The following SEC16B variants were observed in gnomAD, a reference collection of about 807,000 sequenced individuals.
The protein encoded by SEC16B is SEC16 homolog B, endoplasmic reticulum export factor, also known as protein transport protein Sec16B.
Under a neutral mutation model 141.8 loss-of-function variants are expected in SEC16B, and 115 were observed. The observed-to-expected ratio is 0.81, with a 90% CI of 0.70 to 0.95. The LOEUF is 0.95. Ranked by LOEUF, SEC16B falls within the 40% of genes least tolerant of loss-of-function variation. The pLI is 0.00. For synonymous variants in SEC16B, 493 were observed against 492.5 expected, an observed-to-expected ratio of 1.00 and a Z score of -0.01; for missense variants, 1,291 against 1,312.3, an observed-to-expected ratio of 0.98 and a Z score of 0.25.
chr1:177,937,626 G>T, intron 18 of SEC16B, 113 bp from the exon 19 acceptor site: 1 of 924,636 alleles, frequency 1.1e-6, no homozygotes, highest in Non-Finnish European at 1.6e-6. Flanking sequence ...TCACAAGGAC[G>T]AGCTGTCTAA....
At chr1:177,974,765 C>A (rs151186097), upstream of SEC16B, among the ~76,000 whole-genome samples, 438 of 152,240 alleles carry the variant, frequency 2.9e-3, 5 homozygotes, top group African/African-American at 9.8e-3. Flanking sequence ...TACCATGAGG[C>A]ACTTGGATTT....
chr1:177,935,193 C>T lies in SEC16B; in HGVS notation c.2571+1105G>A, dbSNP rs547259558. Among the ~76,000 whole-genome samples, 6 of 152,172 alleles carry T rather than the reference C, an allele frequency of 3.9e-5. No homozygotes were observed. In the South Asian group the frequency reaches 1.2e-3, roughly 32 times the overall value. Reference sequence around the variant, plus strand: ...CACCCCTCTGAAGTGAGATGCCTGGCGCGTATAGTTGTCTATTTTTAGTCA... The same window carrying T: ...CACCCCTCTGAAGTGAGATGCCTGGTGCGTATAGTTGTCTATTTTTAGTCA... On this transcript the variant is annotated intron_variant, in intron 20 of 25. Coordinates refer to ENST00000308284, the MANE Select transcript of SEC16B (RefSeq NM_033127.4).
chr1:177,932,420 A>C, intron 24 of SEC16B, 70 bp downstream of exon 24: 1 of 1,209,686 alleles, frequency 8.3e-7, no homozygotes, highest in Middle Eastern at 2.2e-4. Context: ...CACTGCCCAC[A>C]CTGAAGGTTC....
intron 1 of SEC16B, among the ~76,000 whole-genome samples, chr1:177,979,455 T>G (rs1395229660): frequency 1.3e-5 from 2 of 152,214 alleles, no homozygotes; most frequent in Non-Finnish European, 2.9e-5. Context: ...CTCACATCCC[T>G]TGCTCTATCA....
At position 177,967,921 on chromosome 1, in the gene SEC16B, T is replaced by A. The variant is rs558715405; in HGVS notation, c.61A>T (p.Lys21Ter). Residue 21 changes from lysine to a stop codon, truncating the protein, a stop_gained, in exon 2 of 26, where the codon AAG becomes TAG. Coordinates refer to ENST00000308284, the MANE Select transcript of SEC16B (RefSeq NM_033127.4). LOFTEE classifies it high-confidence loss of function. Reference sequence around the variant, plus strand: ...CTCCGAAACCCTCGGTCTGGATCCTTTGAGGGTGCTGTGGCCTTCCCTCGT... The same window carrying A: ...CTCCGAAACCCTCGGTCTGGATCCTATGAGGGTGCTGTGGCCTTCCCTCGT... ...QTRGKATAPS[K>*]DPDRGFRRDG... 2.5e-6 allele frequency: 4 copies of A among 1,613,946 alleles called. No homozygotes were observed. Among genetic ancestry groups the A allele is most frequent in the Middle Eastern group, 1.6e-4 (1 of 6,062 alleles).
chr1:177,955,112 A>AT (rs1652496377), intron 10 of SEC16B, among the ~76,000 whole-genome samples: 1 of 151,484 alleles, frequency 6.6e-6, no homozygotes, highest in South Asian at 2.1e-4. Flanking sequence ...AATGCAGAAA[A>AT]TCAATGACAA....
At chr1:177,974,878 T>C (rs1322700600), upstream of SEC16B, among the ~76,000 whole-genome samples, 1 of 152,102 alleles carries the variant, frequency 6.6e-6, no homozygotes, top group African/African-American at 2.4e-5. Context: ...TCAGAGAAAA[T>C]GCATCACATG....
intron 1 of SEC16B, among the ~76,000 whole-genome samples, chr1:177,978,113 G>A (rs1654249397): frequency 6.6e-6 from 1 of 152,184 alleles, no homozygotes; most frequent in Admixed American, 6.5e-5. Flanking sequence ...CTCAGGCTTT[G>A]CAGTCAGAAT....
At position 177,939,717 on chromosome 1, in the gene SEC16B, C is replaced by A; in HGVS notation, c.2188G>T (p.Gly730Ter). ...HPTRSDISGA[G>*]GTTTENTFYQ... is the part of the protein sequence containing the mutation. The stretch of plus-strand genomic sequence containing the variant: ...TTTTGGGTACCTGTTGTTGTTCCTC[C>A]GGCTCCCGAAATATCTGAGCGAGTA... The change falls in exon 18 of 26, where the codon GGA (glycine) becomes TGA (stop). Residue 730 changes from glycine to a stop codon, truncating the protein, a stop_gained. Transcript: ENST00000308284. LOFTEE classifies it high-confidence loss of function. The A allele has an allele frequency of 6.3e-7, 1 of 1,594,752 alleles. No individual in the cohort carries two copies. The highest frequency in any genetic ancestry group is 2.3e-5 in the East Asian group (1 of 44,318).
chr1:177,962,922 C>T (rs1206295658), intron 5 of SEC16B, among the ~76,000 whole-genome samples: 1 of 151,562 alleles, frequency 6.6e-6, no homozygotes, highest in African/African-American at 2.4e-5. Flanking sequence ...GCCTGGCCAA[C>T]ATGGTGAAAC....
chr1:177,939,520 T>C (rs1279059990), intron 18 of SEC16B, among the ~76,000 whole-genome samples, 182 bp downstream of exon 18: 8 of 152,104 alleles, frequency 5.3e-5, no homozygotes. Flanking sequence ...TTAGAAGTGT[T>C]AGGGATGTGT....
Position 177,944,614 on chromosome 1 carries a change from A to G in SEC16B, c.1828T>C (p.Phe610Leu). 6.2e-7 allele frequency: 1 copy of G among 1,613,934 alleles called. No individual in the cohort carries two copies. Among genetic ancestry groups the G allele is most frequent in the Non-Finnish European group, 8.5e-7 (1 of 1,179,852 alleles). Residue 610 changes from phenylalanine (F) to leucine (L), a missense_variant, in exon 15 of 26, where the codon TTC becomes CTC. Around this residue, in one of 3 missense-constraint regions of SEC16B, gnomAD observed 605 missense variants for 614.1 expected, o/e 0.99. Coordinates refer to ENST00000308284, the MANE Select transcript of SEC16B (RefSeq NM_033127.4). Reference protein sequence around the residue: ...TTEAIQRTEIFEYCQMLGRPK... With the variant: ...TTEAIQRTEILEYCQMLGRPK... ...CGGCCCAGCATCTGACAGTACTCGA[A>G]GATTTCCGTCCTCTGGATTGCCTCA...
chr1:177,932,408 A>G, intron 24 of SEC16B, 82 bp downstream of exon 24: 1 of 1,068,542 alleles, frequency 9.4e-7, no homozygotes. Context: ...GCCAGGAGTC[A>G]GCACTGCCCA....
intron 10 of SEC16B, among the ~76,000 whole-genome samples, chr1:177,955,108 G>GA (rs1273127120): frequency 6.6e-6 from 1 of 151,718 alleles, no homozygotes; most frequent in Non-Finnish European, 1.5e-5. Context: ...GAAAAATGCA[G>GA]AAAATCAATG....
intron 20 of SEC16B, among the ~76,000 whole-genome samples, chr1:177,934,577 C>A (rs532406279): frequency 1.3e-5 from 2 of 152,300 alleles, no homozygotes; most frequent in African/African-American, 4.8e-5. Flanking sequence ...TTAATCCTTA[C>A]AATAGTCCTG....
intron 10 of SEC16B, among the ~76,000 whole-genome samples, chr1:177,956,874 G>A (rs1652642642): frequency 1.3e-5 from 2 of 152,214 alleles, no homozygotes; most frequent in African/African-American, 4.8e-5. Flanking sequence ...ATGATTTTGT[G>A]GGTTATGGTA....
intron 20 of SEC16B, among the ~76,000 whole-genome samples, chr1:177,935,771 C>A (rs958935451): frequency 1.3e-5 from 2 of 152,020 alleles, no homozygotes; most frequent in Non-Finnish European, 2.9e-5. Context: ...AGCTGAAGAA[C>A]GCCTCAGGTT....
Position 177,930,605 on chromosome 1 carries a change from A to G in SEC16B, c.3051T>C (p.Leu1017=), listed in dbSNP as rs1256077059. The change falls in exon 25 of 26, where the codon CTT becomes CTC. Residue 1017 remains leucine (L), a synonymous_variant. Coordinates refer to ENST00000308284, the MANE Select transcript of SEC16B (RefSeq NM_033127.4). ...CCCCTTTTAAGGCAGGTGGAGGAAGAAGAACACCAGGGTTGGAGCAGAGCT... is the reference window on the plus strand; with the variant it reads ...CCCCTTTTAAGGCAGGTGGAGGAAGGAGAACACCAGGGTTGGAGCAGAGCT... The part of the protein sequence containing the change: ...SFELCSNPGV[L]LPPPALKGAV... 1 of 1,613,762 alleles carries G rather than the reference A, an allele frequency of 6.2e-7. No homozygotes were observed. Among genetic ancestry groups the G allele is most frequent in the Non-Finnish European group, 8.5e-7 (1 of 1,179,864 alleles).
intron 11 of SEC16B, 120 bp from the exon 12 acceptor site, chr1:177,952,115 G>T: frequency 1.3e-6 from 1 of 793,554 alleles, no homozygotes; most frequent in Non-Finnish European, 2.1e-6. Context: ...AGGAACATGA[G>T]CATCGCTTTG....
Sources: gnomAD v4.1 joint callset for allele counts (sites outside exome capture counted in the v4.1 genomes callset) on GRCh38, gnomAD v4.1.1 for gene constraint, gnomAD v4.1.1 regional missense constraint, MANE v1.5 for transcripts, NCBI Gene and HGNC (gene_info 2026-07-23, HGNC 2026-07-21) for gene names.